Variants in DAP observed in about 807,000 individuals in gnomAD.
DAP encodes the protein death associated protein.
DAP carries 8 observed loss-of-function variants against 13.8 expected under a neutral mutation model. The ratio of observed to expected loss-of-function variants is 0.58; its 90% CI spans 0.34 to 1.05. DAP has a LOEUF of 1.05. Ranked by LOEUF, DAP falls within the 50% of genes least tolerant of loss-of-function variation. The pLI is 0.03. For missense variants in DAP, 106 were observed against 133.2 expected (o/e 0.80, Z 1.01); for synonymous variants, 47 against 47.5 (o/e 0.99, Z 0.04).
chr5:10,690,408 T>C (rs958041778), intron 2 of DAP, among the ~76,000 whole-genome samples: 3 of 152,176 alleles, frequency 2.0e-5, no homozygotes, highest in Admixed American at 2.0e-4. Flanking sequence ...TCATCACCTT[T>C]ATCTATTTCC....
At chr5:10,725,611 G>A (rs1293700431) in intron 2 of DAP, among the ~76,000 whole-genome samples, 1 of 152,236 alleles carries the variant, frequency 6.6e-6, no homozygotes, top group African/African-American at 2.4e-5. Flanking sequence ...AAATGAGCTT[G>A]ATGGAAAGCA....
At chr5:10,726,209 T>C (rs1478138328) in intron 2 of DAP, among the ~76,000 whole-genome samples, 1 of 152,234 alleles carries the variant, frequency 6.6e-6, no homozygotes, top group African/African-American at 2.4e-5. Flanking sequence ...TCCTTATAAA[T>C]ATGGTGGCCA....
At chr5:10,747,675 C>T (rs1739940519) in intron 2 of DAP, among the ~76,000 whole-genome samples, 1 of 152,218 alleles carries the variant, frequency 6.6e-6, no homozygotes, top group Non-Finnish European at 1.5e-5. Flanking sequence ...GGAATGACAA[C>T]AGAAACCTGG....
chr5:10,711,182 A>G (rs1433698802), intron 2 of DAP, among the ~76,000 whole-genome samples: 3 of 152,244 alleles, frequency 2.0e-5, no homozygotes, highest in Non-Finnish European at 2.9e-5. Flanking sequence ...GCTCTGCTGT[A>G]CACAGCAAGG....
Position 10,756,312 on chromosome 5 carries a change from T to A in DAP, c.55+4702A>T, listed in dbSNP as rs1215514691. ...ATTTCTGGTCCTGACTGGTTGACAC[T>A]GGGACTATGCTTAGCAAATCTGTGA... On this transcript the variant is annotated intron_variant, in intron 1 of 3. Coordinates refer to ENST00000230895, the MANE Select transcript of DAP (RefSeq NM_004394.3). Among the ~76,000 whole-genome samples, 2 of 96,696 alleles carry A rather than the reference T, an allele frequency of 2.1e-5. 1 individual carries two copies. Among genetic ancestry groups the A allele is most frequent in the East Asian group, 6.1e-4 (2 of 3,262 alleles). 63.4% of individuals were successfully genotyped at this position (96,696 alleles called of 152,430 possible).
At chr5:10,700,742 G>A (rs571050465) in intron 2 of DAP, among the ~76,000 whole-genome samples, 5 of 152,204 alleles carry the variant, frequency 3.3e-5, no homozygotes, top group Admixed American at 2.0e-4. Flanking sequence ...GCCTTGCTGC[G>A]GCAAGAGGGT....
In DAP at chr5:10,680,163, A is replaced by G. The variant is rs5745299; in HGVS notation, c.*893T>C. 1.7e-3 allele frequency: 264 copies of G among 155,524 alleles called. No homozygotes were observed. Among genetic ancestry groups the G allele is most frequent in the East Asian group, 0.011 (58 of 5,392 alleles). The allele number at this position is 155,524 out of a possible 1,614,324, so 9.6% of individuals were successfully genotyped here. A position where few individuals can be genotyped will look rare whatever the true frequency, so the allele number is the denominator to read the frequency against. ...ATGGAATGTGGTGTCTCATGTCCCT[A>G]GGGAGACAAAGGGCAGGTTTCTTAT... On this transcript the variant is annotated 3_prime_UTR_variant, in exon 4 of 4. Transcript: ENST00000230895.
intron 2 of DAP, among the ~76,000 whole-genome samples, chr5:10,698,466 C>T (rs181357194): frequency 3.3e-5 from 5 of 152,110 alleles, no homozygotes; most frequent in African/African-American, 7.2e-5. Flanking sequence ...ACAATGGGAG[C>T]GCAGCAGGGC....
intron 2 of DAP, among the ~76,000 whole-genome samples, chr5:10,747,796 C>A (rs967840107): frequency 2.0e-5 from 3 of 152,192 alleles, no homozygotes; most frequent in African/African-American, 7.2e-5. Flanking sequence ...AACCAATGAG[C>A]CACAGGAAGC....
chr5:10,708,003 T>C (rs1738740841), intron 2 of DAP, among the ~76,000 whole-genome samples: 1 of 152,136 alleles, frequency 6.6e-6, no homozygotes, highest in African/African-American at 2.4e-5. Context: ...TAATATTAAG[T>C]ACAAAGGAAT....
chr5:10,696,292 C>G (rs1350136222), intron 2 of DAP, among the ~76,000 whole-genome samples: 1 of 152,184 alleles, frequency 6.6e-6, no homozygotes, highest in Non-Finnish European at 1.5e-5. Context: ...CTGAGGGGCA[C>G]AGCCCAGGCA....
intron 2 of DAP, among the ~76,000 whole-genome samples, chr5:10,705,637 G>C (rs1561014174): frequency 6.6e-6 from 1 of 152,240 alleles, no homozygotes; most frequent in Non-Finnish European, 1.5e-5. Flanking sequence ...TTTTCATAGA[G>C]AAAGGAGAAC....
intron 2 of DAP, among the ~76,000 whole-genome samples, chr5:10,714,664 T>C (rs1246508917): frequency 6.6e-6 from 1 of 152,164 alleles, no homozygotes; most frequent in Non-Finnish European, 1.5e-5. Context: ...GGTGGAATCA[T>C]AATCCCTAAT....
chr5:10,723,919 G>A (rs748663619), intron 2 of DAP, among the ~76,000 whole-genome samples: 3 of 152,180 alleles, frequency 2.0e-5, no homozygotes, highest in Admixed American at 6.5e-5. Context: ...CTATCCAAGT[G>A]TACTTGCGGG....
chr5:10,711,211 G>C (rs1738842848), intron 2 of DAP, among the ~76,000 whole-genome samples: 1 of 152,248 alleles, frequency 6.6e-6, no homozygotes, highest in Non-Finnish European at 1.5e-5. Context: ...GGTGTGAGCA[G>C]ACCTCGGGAT....
At chr5:10,752,347 C>A (rs16885296) in intron 1 of DAP, among the ~76,000 whole-genome samples, 1 of 152,114 alleles carries the variant, frequency 6.6e-6, no homozygotes, top group South Asian at 2.1e-4. Context: ...TACAATACTG[C>A]CAAAAAATAT....
chr5:10,722,579 T>TATATATAC (rs56080754), intron 2 of DAP, among the ~76,000 whole-genome samples: 7 of 146,296 alleles, frequency 4.8e-5, no homozygotes, highest in African/African-American at 1.0e-4. Context: ...CATACATACA[T>TATATATAC]ATATATACAT....
chr5:10,711,664 C>T (rs1284680020), intron 2 of DAP, among the ~76,000 whole-genome samples: 4 of 152,218 alleles, frequency 2.6e-5, no homozygotes, highest in Non-Finnish European at 4.4e-5. Context: ...CCCCATCTTC[C>T]TGATGAGACC....
At chr5:10,704,684 G>A (rs1272704489) in intron 2 of DAP, among the ~76,000 whole-genome samples, 1 of 152,038 alleles carries the variant, frequency 6.6e-6, no homozygotes, top group Non-Finnish European at 1.5e-5. Flanking sequence ...TTGTATCTTG[G>A]TCTTTTCTGG....
Sources: gnomAD v4.1 joint callset for allele counts (sites outside exome capture counted in the v4.1 genomes callset) on GRCh38, gnomAD v4.1.1 for gene constraint, MANE v1.5 for transcripts, NCBI Gene and HGNC (gene_info 2026-07-23, HGNC 2026-07-21) for gene names.